The following CDH18 variants were observed in gnomAD, a reference collection of about 807,000 sequenced individuals.
CDH18 encodes the protein cadherin-18.
Under a neutral mutation model 67.9 loss-of-function variants are expected in CDH18, and 31 were observed. The ratio of observed to expected loss-of-function variants is 0.46; its 90% confidence interval spans 0.34 to 0.62. The LOEUF is 0.62. Among genes scored for constraint, CDH18 ranks in the 20% least tolerant of loss-of-function variants. CDH18 has a pLI of 0.01. For missense variants in CDH18, 890 were observed against 975.5 expected (o/e 0.91, Z 1.17); for synonymous variants, 362 against 347.2 (o/e 1.04, Z -0.48).
chr5:20,211,887 C>A (rs1039036853), intron 2 of CDH18, among the ~76,000 whole-genome samples: 3 of 152,104 alleles, frequency 2.0e-5, no homozygotes, highest in Admixed American at 6.6e-5. Flanking sequence ...CCAAAGGAAC[C>A]AGCTTCTTAC....
intron 2 of CDH18, among the ~76,000 whole-genome samples, chr5:20,036,331 T>G (rs1482042355): frequency 3.9e-5 from 6 of 151,926 alleles, no homozygotes; most frequent in African/African-American, 1.2e-4. Context: ...GAGGATTTTA[T>G]AGACAATGTA....
intron 2 of CDH18, among the ~76,000 whole-genome samples, chr5:20,069,835 TTAA>T (rs1222408128): frequency 1.3e-5 from 2 of 152,174 alleles, no homozygotes; most frequent in Admixed American, 6.5e-5. Flanking sequence ...TCTCCCATTA[TTAA>T]TGTCCCTCAG....
rs547157412 is a variant in CDH18, at chr5:19,835,762, T to A, written c.228+2997A>T. Among the ~76,000 whole-genome samples, 3 of 152,216 alleles carry A rather than the reference T, an allele frequency of 2.0e-5. No homozygotes were observed. The South Asian group carries it at 6.2e-4, about 32-fold the overall frequency. The stretch of plus-strand genomic sequence containing the variant: ...GCAAATTAGAATAAAGTAGAAAGAC[T>A]ATGAGCGAGGTGTCCCTGGGTCAGA... On this transcript the variant is annotated intron_variant, in intron 3 of 12. Transcript: ENST00000382275.
chr5:19,561,076 C>G (rs558357057), intron 8 of CDH18, among the ~76,000 whole-genome samples: 2 of 152,226 alleles, frequency 1.3e-5, no homozygotes, highest in East Asian at 3.9e-4. Flanking sequence ...CAAACTAGTA[C>G]AACCACTACG....
chr5:20,516,061 T>G (rs1042529494), intron 1 of CDH18, among the ~76,000 whole-genome samples: 1 of 152,020 alleles, frequency 6.6e-6, no homozygotes, highest in African/African-American at 2.4e-5. Flanking sequence ...TTTTCAAAAT[T>G]TTTGACATAT....
chr5:19,477,501 T>A (rs1184286256), intron 12 of CDH18, among the ~76,000 whole-genome samples: 15 of 152,078 alleles, frequency 9.9e-5, no homozygotes, highest in East Asian at 1.9e-4. Context: ...AGATATTTTT[T>A]AAAAATTAGC....
At chr5:20,398,875 ACG>A (rs1745518192) in intron 1 of CDH18, among the ~76,000 whole-genome samples, 2 of 149,386 alleles carry the variant, frequency 1.3e-5, no homozygotes, top group Admixed American at 1.3e-4. Context: ...ACGTATACCT[ACG>A]TAGAAAACCA....
At chr5:19,872,701 A>G (rs1479744867) in intron 2 of CDH18, among the ~76,000 whole-genome samples, 3 of 152,228 alleles carry the variant, frequency 2.0e-5, no homozygotes, top group Admixed American at 1.3e-4. Context: ...AGCTTCAGTT[A>G]AGTCAGCTAA....
intron 10 of CDH18, among the ~76,000 whole-genome samples, chr5:19,516,824 G>T (rs962014757): frequency 2.0e-5 from 3 of 151,814 alleles, no homozygotes; most frequent in Non-Finnish European, 4.4e-5. Context: ...TTGATTTTTT[G>T]AAGGTTTTTT....
intron 2 of CDH18, among the ~76,000 whole-genome samples, chr5:19,994,828 GAATATATATATATATATATATATATAT>G (rs1735839273): frequency 7.0e-5 from 2 of 28,656 alleles, no homozygotes; most frequent in Non-Finnish European, 1.2e-4. Context: ...TATATAAAGA[GAATATATATATATATATATATATATAT>G]AGAGAGAGAG....
chr5:19,487,076 A>G (rs1186112232), intron 11 of CDH18, among the ~76,000 whole-genome samples: 5 of 152,206 alleles, frequency 3.3e-5, no homozygotes, highest in Non-Finnish European at 7.3e-5. Flanking sequence ...GAGATTTTGT[A>G]TAGCCAGAAC....
chr5:20,297,652 A>G (rs1747646977), intron 1 of CDH18, among the ~76,000 whole-genome samples: 1 of 152,204 alleles, frequency 6.6e-6, no homozygotes, highest in Non-Finnish European at 1.5e-5. Flanking sequence ...CAGTACTTTT[A>G]TGGTGAAATA....
At chr5:20,335,445 G>C (rs73763375) in intron 1 of CDH18, among the ~76,000 whole-genome samples, 3,513 of 151,950 alleles carry the variant, frequency 0.023, 139 homozygotes, top group African/African-American at 0.079. Context: ...GTCTTGCTCT[G>C]TTGCCCAGGG....
intron 10 of CDH18, among the ~76,000 whole-genome samples, chr5:19,515,369 T>C (rs1434747218): frequency 6.6e-6 from 1 of 152,216 alleles, no homozygotes; most frequent in East Asian, 1.9e-4. Context: ...GTAGTTTTTT[T>C]CCAATTCTGT....
At chr5:19,600,980 G>A (rs1429152735) in intron 6 of CDH18, among the ~76,000 whole-genome samples, 2 of 152,100 alleles carry the variant, frequency 1.3e-5, no homozygotes, top group African/African-American at 4.8e-5. Flanking sequence ...TTCCATGAGG[G>A]AACAAGTGAC....
At chr5:20,165,910 G>T (rs1486211656) in intron 2 of CDH18, among the ~76,000 whole-genome samples, 2 of 151,748 alleles carry the variant, frequency 1.3e-5, no homozygotes, top group Admixed American at 6.6e-5. Flanking sequence ...TACAATTTTT[G>T]AACAACAGGA....
At chr5:20,250,385 C>T (rs561597390) in intron 2 of CDH18, among the ~76,000 whole-genome samples, 3 of 151,826 alleles carry the variant, frequency 2.0e-5, no homozygotes, top group Admixed American at 1.3e-4. Flanking sequence ...CTCCGCCTCC[C>T]GGATTCAATC....
chr5:19,497,908 T>C (rs1742613744), intron 11 of CDH18, among the ~76,000 whole-genome samples: 1 of 152,194 alleles, frequency 6.6e-6, no homozygotes, highest in Admixed American at 6.5e-5. Context: ...TCAGTTAGCC[T>C]GACACAGTGT....
At chr5:20,527,833 T>C (rs991979661) in intron 1 of CDH18, among the ~76,000 whole-genome samples, 1 of 152,038 alleles carries the variant, frequency 6.6e-6, no homozygotes. Flanking sequence ...CCAATGACAC[T>C]ATGAAGCAAC....
Sources: allele counts gnomAD v4.1 joint callset (sites outside exome capture counted in the v4.1 genomes callset), GRCh38; gene constraint gnomAD v4.1.1; transcripts MANE v1.5; gene names NCBI Gene and HGNC (gene_info 2026-07-23, HGNC 2026-07-21).